Variants in VOPP1 observed in about 807,000 individuals in gnomAD.
The protein encoded by VOPP1 is WW domain binding protein VOPP1.
A neutral mutation model predicts 23.5 loss-of-function variants in VOPP1; 8 were observed. The ratio of observed to expected loss-of-function variants is 0.34; its 90% CI spans 0.20 to 0.61. The LOEUF is 0.61. Among genes scored for constraint, VOPP1 ranks in the 20% least tolerant of loss-of-function variants. VOPP1 has a pLI of 0.78. For synonymous variants in VOPP1, 83 were observed against 97.3 expected (o/e 0.85, Z 0.86); for missense variants, 174 against 238.1 (o/e 0.73, Z 1.77).
At chr7:55,537,258 G>T (rs1321579923) in intron 1 of VOPP1, among the ~76,000 whole-genome samples, 1 of 152,100 alleles carries the variant, frequency 6.6e-6, no homozygotes, top group African/African-American at 2.4e-5. Flanking sequence ...CACCCACAGC[G>T]TGCAGCAACA....
intron 1 of VOPP1, among the ~76,000 whole-genome samples, chr7:55,546,532 T>C (rs1256535100): frequency 6.6e-6 from 1 of 152,230 alleles, no homozygotes; most frequent in African/African-American, 2.4e-5. Flanking sequence ...ATACCAATGT[T>C]GGTTTCCTTT....
rs560656706 is a variant in VOPP1, at chr7:55,460,057, T to C, written n.418-23883A>G. The stretch of plus-strand genomic sequence containing the variant: ...TCTGTATCCCATAGGTGTGGGTATG[T>C]TGCATTTCTATTTTCATATTAAATA... On this transcript the variant is annotated intron_variant and non_coding_transcript_variant, in intron 4 of 4. Coordinates refer to the VOPP1 transcript ENST00000462326. Among the ~76,000 whole-genome samples, 161 of 69,080 alleles carry C rather than the reference T, an allele frequency of 2.3e-3. 1 individual carries two copies. Among genetic ancestry groups the C allele is most frequent in the African/African-American group, 9.8e-3 (156 of 15,880 alleles). The allele number at this position is 69,080 out of a possible 152,430, so 45.3% of individuals were successfully genotyped here.
chr7:55,537,766 G>T, intron 1 of VOPP1: 1 of 1,347,136 alleles, frequency 7.4e-7, no homozygotes, highest in Non-Finnish European at 9.6e-7. Flanking sequence ...CCGGCCCCCA[G>T]GCCCAGGCCA....
intron 1 of VOPP1, among the ~76,000 whole-genome samples, chr7:55,556,353 C>T (rs1797802816): frequency 6.6e-6 from 1 of 152,230 alleles, no homozygotes; most frequent in African/African-American, 2.4e-5. Context: ...AGTTCGCAAA[C>T]CTGTTCATCC....
chr7:55,569,429 G>A (rs1222343701), intron 1 of VOPP1, among the ~76,000 whole-genome samples: 4 of 152,168 alleles, frequency 2.6e-5, no homozygotes, highest in Non-Finnish European at 5.9e-5. Flanking sequence ...CACTGCCCTC[G>A]CGATGTAGAG....
chr7:55,439,968 A>T (rs1188564323), intron 4 of VOPP1, among the ~76,000 whole-genome samples: 2 of 152,176 alleles, frequency 1.3e-5, no homozygotes, highest in Non-Finnish European at 2.9e-5. Flanking sequence ...TGTATTTCTA[A>T]CAAGTTCCAG....
At chr7:55,564,237 G>GTCTCTCTC (rs1382166112) in intron 1 of VOPP1, among the ~76,000 whole-genome samples, 24 of 28,274 alleles carry the variant, frequency 8.5e-4, no homozygotes, top group Middle Eastern at 0.022. Context: ...CTTTCTCTCT[G>GTCTCTCTC]TCTCTGTCTC....
chr7:55,543,323 T>G (rs149104137), intron 1 of VOPP1, among the ~76,000 whole-genome samples: 1 of 152,354 alleles, frequency 6.6e-6, no homozygotes, highest in African/African-American at 2.4e-5. Flanking sequence ...TTCCTTATCT[T>G]GGCTATTAAC....
chr7:55,563,314 G>A (rs1324843700), intron 1 of VOPP1, among the ~76,000 whole-genome samples: 1 of 152,098 alleles, frequency 6.6e-6, no homozygotes, highest in East Asian at 1.9e-4. Flanking sequence ...CATTAGAGAA[G>A]ATTATTTGCG....
intron 4 of VOPP1, among the ~76,000 whole-genome samples, chr7:55,479,280 T>G (rs1284382963): frequency 6.6e-6 from 1 of 151,980 alleles, no homozygotes; most frequent in Admixed American, 6.6e-5. Flanking sequence ...GCGTTAGGTA[T>G]ATCTCCTAAC....
At chr7:55,560,395 C>T (rs1797946754) in intron 1 of VOPP1, among the ~76,000 whole-genome samples, 1 of 151,772 alleles carries the variant, frequency 6.6e-6, no homozygotes, top group African/African-American at 2.4e-5. Flanking sequence ...TCAGGTGGGC[C>T]CAATGTAATC....
chr7:55,459,846 GT>G (rs1239935727), intron 4 of VOPP1, among the ~76,000 whole-genome samples: 2 of 150,796 alleles, frequency 1.3e-5, no homozygotes, highest in African/African-American at 4.9e-5. Flanking sequence ...CCTTTGTATT[GT>G]TTTTTAGTCT....
chr7:55,566,338 T>C (rs1798163102), intron 1 of VOPP1, among the ~76,000 whole-genome samples: 1 of 152,104 alleles, frequency 6.6e-6, no homozygotes, highest in Non-Finnish European at 1.5e-5. Context: ...GGACTCATCA[T>C]TCTAAAATGA....
chr7:55,443,155 C>T (rs904355368), intron 4 of VOPP1, among the ~76,000 whole-genome samples: 12 of 151,926 alleles, frequency 7.9e-5, no homozygotes, highest in Admixed American at 5.2e-4. Flanking sequence ...AAATAAAAAG[C>T]AAATGGAATT....
intron 1 of VOPP1, among the ~76,000 whole-genome samples, chr7:55,533,541 G>A (rs983103779): frequency 6.6e-6 from 1 of 152,190 alleles, no homozygotes; most frequent in African/African-American, 2.4e-5. Flanking sequence ...CACGAAAGAG[G>A]AAGCAGCTAT....
chr7:55,536,250 C>G (rs1312192520), intron 1 of VOPP1, among the ~76,000 whole-genome samples: 1 of 152,180 alleles, frequency 6.6e-6, no homozygotes, highest in South Asian at 2.1e-4. Flanking sequence ...CAAGCAAGGC[C>G]GGGCGTGGTG....
At chr7:55,443,415 G>A (rs368760919) in intron 4 of VOPP1, among the ~76,000 whole-genome samples, 3 of 151,668 alleles carry the variant, frequency 2.0e-5, no homozygotes, top group East Asian at 2.0e-4. Context: ...TAAGCCAGGC[G>A]TGGTGGCGGG....
In VOPP1 at chr7:55,520,863, T is replaced by G. The variant is rs117954490; in HGVS notation, c.113+209A>C. On this transcript the variant is annotated intron_variant, in intron 2 of 4. Coordinates refer to ENST00000285279, the MANE Select transcript of VOPP1 (RefSeq NM_030796.5). ...CTGCATCACAGAACAGGGCACAGAA[T>G]TTCAGGCTGTCCTCAACGTAACTGG... Among the ~76,000 whole-genome samples the G allele has an allele frequency of 5.7e-3, 866 of 152,310 alleles. 3 individuals are homozygous for G. Among genetic ancestry groups the G allele is most frequent in the Non-Finnish European group, 9.2e-3 (623 of 68,018 alleles).
chr7:55,524,156 C>T (rs1172533711), intron 1 of VOPP1, among the ~76,000 whole-genome samples: 2 of 152,176 alleles, frequency 1.3e-5, no homozygotes, highest in Admixed American at 1.3e-4. Context: ...CTTCTTCCCG[C>T]ATTTTTCTGG....
Sources: gnomAD v4.1 joint callset for allele counts (sites outside exome capture counted in the v4.1 genomes callset) on GRCh38, gnomAD v4.1.1 for gene constraint, MANE v1.5 for transcripts, NCBI Gene and HGNC (gene_info 2026-07-23, HGNC 2026-07-21) for gene names.